SMG1: variants seen among roughly 807,000 people sequenced by gnomAD.
The protein encoded by SMG1 is serine/threonine-protein kinase SMG1.
In SMG1, 22 loss-of-function variants were observed where a neutral mutation model predicts 419.9. That is an observed-to-expected ratio of 0.05 (90% CI 0.04 to 0.07). The LOEUF is 0.07. SMG1 is among the 10% of genes least tolerant of loss of function. SMG1 has a pLI of 1.00. For synonymous variants in SMG1, 1,538 were observed against 1,553.5 expected (o/e 0.99, Z 0.23); for missense variants, 3,185 against 4,342.0 (o/e 0.73, Z 7.49).
rs762396019 is a variant in SMG1, at chr16:18,926,053, A to C, written c.-12T>G. ...GCTCTGCGGCTCATTACCTTCCCCG[A>C]CACGACATGGCCAAGCGCCGCCGCC... On this transcript the variant is annotated 5_prime_UTR_variant, in exon 1 of 63. Transcript: ENST00000446231. 1 of 1,563,306 alleles carries C rather than the reference A, an allele frequency of 6.4e-7. No homozygotes were observed. The highest frequency in any genetic ancestry group is 8.6e-7 in the Non-Finnish European group (1 of 1,163,996).
At chr16:18,857,106 C>T (rs1248851610) in intron 29 of SMG1, 1 of 152,184 alleles carries the variant, frequency 6.6e-6, no homozygotes, top group African/African-American at 2.4e-5. Context: ...TGATCCAACC[C>T]CAGGTATATT....
At chr16:18,816,014 A>G (rs1038440816) in intron 58 of SMG1, 12 of 467,980 alleles carry the variant, frequency 2.6e-5, no homozygotes, top group Non-Finnish European at 3.8e-5. Flanking sequence ...GACAAGCTGG[A>G]TATCTGAATG....
rs781159277 is a variant in SMG1, at chr16:18,838,243, G to C, written c.7195-11C>G. On this transcript the variant is annotated splice_polypyrimidine_tract_variant and intron_variant, in intron 44 of 62. Coordinates refer to ENST00000446231, the MANE Select transcript of SMG1 (RefSeq NM_015092.5). ...CATAATGTGTAAAACCTGTTTTCAG[G>C]AGAGTTTTTAAAATAAGGTCTGCCA... The C allele has an allele frequency of 4.3e-6, 7 of 1,609,246 alleles. No individual in the cohort carries two copies. Among genetic ancestry groups the C allele is most frequent in the Non-Finnish European group, 5.9e-6 (7 of 1,177,078 alleles).
intron 23 of SMG1, among the ~76,000 whole-genome samples, chr16:18,865,342 T>C (rs2035444001): frequency 6.6e-6 from 1 of 152,172 alleles, no homozygotes; most frequent in African/African-American, 2.4e-5. Context: ...ACTCTCAGTA[T>C]CCACAAAGAT....
At chr16:18,814,877 CT>C (rs10582593) in intron 60 of SMG1, among the ~76,000 whole-genome samples, 11,509 of 123,766 alleles carry the variant, frequency 0.093, 507 homozygotes, top group Middle Eastern at 0.18. Context: ...CTCGCCCGGC[CT>C]TTTTTTTTTT....
At chr16:18,898,108 C>T (rs1356304862) in intron 1 of SMG1, among the ~76,000 whole-genome samples, 7 of 152,160 alleles carry the variant, frequency 4.6e-5, no homozygotes, top group Admixed American at 1.3e-4. Flanking sequence ...ATTAGTCTTT[C>T]CTTGCTTCCA....
rs751816931 is a variant in SMG1 at position 18,829,650 on chromosome 16, T to C, written c.9239A>G (p.Lys3080Arg). 11 of 1,614,020 alleles carry C rather than the reference T, an allele frequency of 6.8e-6. No homozygotes were observed. The highest frequency in any genetic ancestry group is 1.6e-4 in the Middle Eastern group (1 of 6,062). The change falls in exon 54 of 63, where the codon AAA (lysine) becomes AGA (arginine). Residue 3080 changes from lysine (K) to arginine (R), a missense_variant. Coordinates refer to ENST00000446231, the MANE Select transcript of SMG1 (RefSeq NM_015092.5). ...GTCAGCTGTGAATGCCTTGATAGGT[T>C]TGGCCATTTGGTCTTCACTGAAACA... Reference protein sequence around the residue: ...NSCFSEDQMAKPIKAFTADFV... With the variant: ...NSCFSEDQMARPIKAFTADFV...
intron 29 of SMG1, 132 bp downstream of exon 29, chr16:18,858,038 G>C (rs2035011570): frequency 3.0e-6 from 2 of 668,060 alleles, no homozygotes; most frequent in African/African-American, 3.8e-5. Flanking sequence ...TCGTATTGGT[G>C]GTCACACAAG....
intron 1 of SMG1, among the ~76,000 whole-genome samples, chr16:18,912,081 CAAAAA>C (rs10593620): frequency 1.9e-5 from 2 of 104,338 alleles, no homozygotes; most frequent in Admixed American, 1.0e-4. Context: ...GATGCCATCT[CAAAAA>C]AAAAAAAAAA....
intron 41 of SMG1, among the ~76,000 whole-genome samples, chr16:18,840,911 T>C (rs1252910087): frequency 6.6e-6 from 1 of 152,130 alleles, no homozygotes; most frequent in South Asian, 2.1e-4. Context: ...ATAACTATTT[T>C]TGGCTGGGTG....
chr16:18,850,217 T>G lies in SMG1; in HGVS notation c.5283+20A>C. The G allele has an allele frequency of 4.4e-6, 7 of 1,588,048 alleles. No individual in the cohort carries two copies. The highest frequency in any genetic ancestry group is 6.0e-6 in the Non-Finnish European group (7 of 1,165,676). ...AAAAAGTTTCCAAAATAAATTTTCT[T>G]AGAACACTGTGCTACATACTTGACC... On this transcript the variant is annotated intron_variant, in intron 34 of 62. Coordinates refer to ENST00000446231, the MANE Select transcript of SMG1 (RefSeq NM_015092.5).
chr16:18,855,024 A>T (rs1231738561), intron 29 of SMG1, 120 bp from the exon 30 acceptor site: 2 of 914,144 alleles, frequency 2.2e-6, no homozygotes, highest in Non-Finnish European at 3.3e-6. Context: ...AAACAAAGAT[A>T]ACTCATCCTC....
intron 3 of SMG1, among the ~76,000 whole-genome samples, chr16:18,894,944 T>C (rs2037052853): frequency 6.6e-6 from 1 of 151,982 alleles, no homozygotes; most frequent in Admixed American, 6.6e-5. Context: ...CAGCCTCCCG[T>C]GTAGCTGGGG....
chr16:18,918,403 C>T (rs960862934), intron 1 of SMG1, among the ~76,000 whole-genome samples: 1 of 152,238 alleles, frequency 6.6e-6, no homozygotes, highest in African/African-American at 2.4e-5. Context: ...TCTCTACACA[C>T]TGACAATTTG....
intron 3 of SMG1, among the ~76,000 whole-genome samples, chr16:18,895,184 G>C (rs1427454444): frequency 3.3e-5 from 5 of 152,160 alleles, no homozygotes; most frequent in Non-Finnish European, 7.4e-5. Flanking sequence ...AATGCTATCA[G>C]TGTATTTAAC....
chr16:18,814,308 A>G (rs1227368702), intron 60 of SMG1, among the ~76,000 whole-genome samples: 3 of 151,236 alleles, frequency 2.0e-5, no homozygotes, highest in South Asian at 4.2e-4. Flanking sequence ...CATTTGTATT[A>G]AGTATTTTCC....
At chr16:18,841,489 T>C (rs891765317) in intron 41 of SMG1, 76 bp downstream of exon 41, 4 of 1,355,144 alleles carry the variant, frequency 3.0e-6, no homozygotes, top group East Asian at 2.3e-5. Flanking sequence ...CATGCAAAAA[T>C]GGTCCAGTAA....
intron 22 of SMG1, among the ~76,000 whole-genome samples, chr16:18,867,473 G>A (rs1223105122): frequency 6.6e-6 from 1 of 151,358 alleles, no homozygotes; most frequent in Non-Finnish European, 1.5e-5. Flanking sequence ...ACAGTGAGCC[G>A]AGATCGCACA....
chr16:18,847,336 T>C, intron 38 of SMG1, 117 bp downstream of exon 38: 2 of 1,030,014 alleles, frequency 1.9e-6, no homozygotes. Context: ...ATATGGTGAA[T>C]GTATTTAATG....
Sources: allele counts gnomAD v4.1 joint callset (sites outside exome capture counted in the v4.1 genomes callset), GRCh38; gene constraint gnomAD v4.1.1; transcripts MANE v1.5; gene names NCBI Gene and HGNC (gene_info 2026-07-23, HGNC 2026-07-21).